PTPRD: variants seen among roughly 807,000 people sequenced by gnomAD.
PTPRD encodes the protein protein tyrosine phosphatase receptor type D, also known as receptor-type tyrosine-protein phosphatase delta.
A neutral mutation model predicts 214.5 loss-of-function variants in PTPRD; 34 were observed. The ratio of observed to expected loss-of-function variants is 0.16; its 90% CI spans 0.12 to 0.21. The LOEUF is 0.21. PTPRD is among the 10% of genes least tolerant of loss of function. PTPRD has a pLI of 1.00. For synonymous variants in PTPRD, 1,128 were observed against 845.7 expected, an observed-to-expected ratio of 1.33 and a Z score of -5.79; for missense variants, 2,545 against 2,398.7, an observed-to-expected ratio of 1.06 and a Z score of -1.27.
chr9:8,713,668 C>G, intron 12 of PTPRD: 1 of 1,510,664 alleles, frequency 6.6e-7, no homozygotes. Context: ...GCACCGCGCC[C>G]GGGCCCACTC....
intron 12 of PTPRD, among the ~76,000 whole-genome samples, chr9:8,644,483 G>T (rs763695681): frequency 2.0e-5 from 3 of 152,132 alleles, no homozygotes; most frequent in Non-Finnish European, 4.4e-5. Context: ...ACACAAACAG[G>T]GCTGAAACAT....
At chr9:10,475,519 G>A (rs1415232082) in intron 2 of PTPRD, among the ~76,000 whole-genome samples, 1 of 151,922 alleles carries the variant, frequency 6.6e-6, no homozygotes, top group Non-Finnish European at 1.5e-5. Context: ...AAAAGCCCAG[G>A]ACCAGATGGA....
chr9:8,830,226 G>A (rs1454698312), intron 11 of PTPRD, among the ~76,000 whole-genome samples: 1 of 152,122 alleles, frequency 6.6e-6, no homozygotes, highest in East Asian at 1.9e-4. Context: ...GAGAGCCTGA[G>A]GTATTAACTC....
At chr9:10,121,418 G>C (rs932786300) in intron 3 of PTPRD, among the ~76,000 whole-genome samples, 3 of 152,126 alleles carry the variant, frequency 2.0e-5, no homozygotes, top group East Asian at 1.9e-4. Context: ...ATATGGAATT[G>C]ATGTGGCCAA....
chr9:8,799,069 C>T (rs2096513224), intron 11 of PTPRD, among the ~76,000 whole-genome samples: 1 of 152,046 alleles, frequency 6.6e-6, no homozygotes, highest in Non-Finnish European at 1.5e-5. Context: ...ACATGCATTG[C>T]TTTATTTAAT....
chr9:9,947,671 G>C (rs1191669668), intron 4 of PTPRD, among the ~76,000 whole-genome samples: 1 of 105,232 alleles, frequency 9.5e-6, no homozygotes, highest in Non-Finnish European at 1.8e-5. Flanking sequence ...CATGTAGGTA[G>C]TAAAAGGTCA....
intron 2 of PTPRD, among the ~76,000 whole-genome samples, chr9:10,454,015 T>C (rs1258962538): frequency 6.6e-6 from 1 of 151,678 alleles, no homozygotes; most frequent in Non-Finnish European, 1.5e-5. Context: ...TAACTATGTA[T>C]TTTCTGAAAA....
At chr9:9,207,233 G>A (rs1158228147) in intron 9 of PTPRD, among the ~76,000 whole-genome samples, 3 of 152,180 alleles carry the variant, frequency 2.0e-5, no homozygotes, top group African/African-American at 7.2e-5. Flanking sequence ...TGGTGAGAAA[G>A]CAGTAGTTTC....
chr9:9,935,980 G>A (rs1277437908), intron 5 of PTPRD, among the ~76,000 whole-genome samples: 3 of 151,152 alleles, frequency 2.0e-5, no homozygotes, highest in African/African-American at 7.4e-5. Flanking sequence ...AATGGGGAAA[G>A]GATTCCCTAT....
chr9:10,584,826 G>A (rs370281321), intron 2 of PTPRD, among the ~76,000 whole-genome samples: 3 of 152,192 alleles, frequency 2.0e-5, no homozygotes, highest in East Asian at 3.9e-4. Flanking sequence ...TCTGACTCCA[G>A]TTGTTCAATG....
At position 9,907,467 on chromosome 9, in the gene PTPRD, A is replaced by G. The variant is rs117277500; in HGVS notation, c.-368+31040T>C. Reference sequence around the variant, plus strand: ...GCCTCCCTTTCTCCACGGCTTGACCATGGTTGTCTTCTTACTATGTCCTCA... The same window carrying G: ...GCCTCCCTTTCTCCACGGCTTGACCGTGGTTGTCTTCTTACTATGTCCTCA... On this transcript the variant is annotated intron_variant, in intron 5 of 45. Transcript: ENST00000381196. 6.7e-3 allele frequency among the ~76,000 whole-genome samples: 1,022 copies of G among 152,094 alleles called. 11 individuals are homozygous for G. Among genetic ancestry groups the G allele is most frequent in the South Asian group, 0.037 (180 of 4,828 alleles).
In PTPRD at chr9:9,704,061, T is replaced by G. The variant is rs549078843; in HGVS notation, c.-287+30472A>C. Among the ~76,000 whole-genome samples, 4 of 131,432 alleles carry G rather than the reference T, an allele frequency of 3.0e-5. No individual in the cohort carries two copies. In the South Asian group the frequency reaches 1.1e-3, roughly 35 times the overall value. The allele number at this position is 131,432 out of a possible 152,430, so 86.2% of individuals were successfully genotyped here. ...CTGCACCTGGCCTAATTTTAGTTTT[T>G]ATTTTAAAAATGAAATTTCTGTAAG... On this transcript the variant is annotated intron_variant, in intron 7 of 45. Transcript: ENST00000381196.
intron 3 of PTPRD, among the ~76,000 whole-genome samples, chr9:10,309,045 G>A (rs1483846133): frequency 6.6e-6 from 1 of 151,922 alleles, no homozygotes; most frequent in Non-Finnish European, 1.5e-5. Flanking sequence ...ATTTTTCTCA[G>A]TGTATTTTAT....
intron 3 of PTPRD, among the ~76,000 whole-genome samples, chr9:10,127,682 A>C (rs2098829980): frequency 6.6e-6 from 1 of 152,174 alleles, no homozygotes; most frequent in African/African-American, 2.4e-5. Flanking sequence ...TAAAATATAC[A>C]ACCTACACTG....
chr9:8,344,462 T>TTC (rs397950027), intron 39 of PTPRD, among the ~76,000 whole-genome samples: 3 of 151,556 alleles, frequency 2.0e-5, no homozygotes, highest in East Asian at 1.9e-4. Context: ...ATTTTTTTTT[T>TTC]CCAAAAAATA....
chr9:10,362,336 A>ATT (rs34104705), intron 2 of PTPRD, among the ~76,000 whole-genome samples: 13 of 142,138 alleles, frequency 9.1e-5, no homozygotes, highest in East Asian at 4.2e-4. Context: ...TGACAGAGAA[A>ATT]TTTTTTTTTT....
chr9:8,642,080 T>C (rs917797487), intron 12 of PTPRD, among the ~76,000 whole-genome samples: 1 of 152,186 alleles, frequency 6.6e-6, no homozygotes, highest in East Asian at 1.9e-4. Flanking sequence ...ACCAGTAACA[T>C]CCACAGATGA....
chr9:9,082,192 G>A (rs996841229), intron 10 of PTPRD, among the ~76,000 whole-genome samples: 14 of 151,920 alleles, frequency 9.2e-5, no homozygotes, highest in African/African-American at 1.9e-4. Context: ...AATGAACATC[G>A]ATGCAAAAAT....
chr9:10,548,702 A>G (rs892763122), intron 2 of PTPRD, among the ~76,000 whole-genome samples: 3 of 150,540 alleles, frequency 2.0e-5, no homozygotes, highest in Admixed American at 6.7e-5. Flanking sequence ...CAGAATGTGA[A>G]GGAAACCAGG....
Sources: gnomAD v4.1 joint callset for allele counts (sites outside exome capture counted in the v4.1 genomes callset) on GRCh38, gnomAD v4.1.1 for gene constraint, MANE v1.5 for transcripts, NCBI Gene and HGNC (gene_info 2026-07-23, HGNC 2026-07-21) for gene names.